The following CSMD1 variants were observed in gnomAD, a reference collection of about 807,000 sequenced individuals.
The protein encoded by CSMD1 is CUB and sushi domain-containing protein 1.
In CSMD1, 213 loss-of-function variants were observed where a neutral mutation model predicts 417.5. The ratio of observed to expected loss-of-function variants is 0.51; its 90% CI spans 0.46 to 0.57. CSMD1 has a LOEUF of 0.57. CSMD1 is among the 20% of genes least tolerant of loss of function. CSMD1 has a pLI of 0.00. For missense variants in CSMD1, 6,923 were observed against 4,529.7 expected (o/e 1.53, Z -15.17); for synonymous variants, 2,862 against 1,736.8 (o/e 1.65, Z -16.11).
chr8:3,810,672 C>G (rs1413494267), intron 5 of CSMD1, among the ~76,000 whole-genome samples: 1 of 152,126 alleles, frequency 6.6e-6, no homozygotes, highest in Non-Finnish European at 1.5e-5. Context: ...AGTAGCTTTT[C>G]TGGGATAGAA....
rs899307122 is a variant in CSMD1 at position 3,487,022 on chromosome 8, A to C, written c.1448+6601T>G. Among the ~76,000 whole-genome samples the C allele has an allele frequency of 2.6e-5, 4 of 152,182 alleles. No homozygotes were observed. In the East Asian group the frequency reaches 5.8e-4, roughly 22 times the overall value. ...GGAGTTGATCCTGAACCTCTCACACACAGAAGGTGACACAAAAGCACTTAC... is the reference window on the plus strand; with the variant it reads ...GGAGTTGATCCTGAACCTCTCACACCCAGAAGGTGACACAAAAGCACTTAC... On this transcript the variant is annotated intron_variant, in intron 11 of 69. Transcript: ENST00000635120.
At chr8:3,383,352 CGGAGGGAAG>C (rs1322701715) in intron 18 of CSMD1, among the ~76,000 whole-genome samples, 43 of 152,042 alleles carry the variant, frequency 2.8e-4, no homozygotes, top group Non-Finnish European at 5.4e-4. Context: ...TTACTCTGAA[CGGAGGGAAG>C]CCTTCTTCCA....
chr8:4,429,113 A>C (rs922400605), intron 2 of CSMD1, among the ~76,000 whole-genome samples: 1 of 151,750 alleles, frequency 6.6e-6, no homozygotes, highest in Non-Finnish European at 1.5e-5. Flanking sequence ...ACTACTGGTA[A>C]TCAGTTTTTT....
intron 3 of CSMD1, among the ~76,000 whole-genome samples, chr8:4,091,038 C>T (rs929401859): frequency 2.0e-5 from 3 of 151,784 alleles, no homozygotes; most frequent in African/African-American, 7.3e-5. Flanking sequence ...CCTGTCTCAG[C>T]CTCACAAGTA....
intron 2 of CSMD1, among the ~76,000 whole-genome samples, chr8:4,544,772 A>C (rs947140468): frequency 6.6e-6 from 1 of 152,194 alleles, no homozygotes; most frequent in Admixed American, 6.5e-5. Flanking sequence ...GAAGGGCAGC[A>C]CTGCTGTTCA....
intron 5 of CSMD1, among the ~76,000 whole-genome samples, chr8:3,824,678 A>G (rs565062211): frequency 6.6e-6 from 1 of 152,320 alleles, no homozygotes; most frequent in South Asian, 2.1e-4. Flanking sequence ...TTAATGATGT[A>G]TATTAATATT....
At chr8:3,350,655 G>C (rs1484193088) in intron 21 of CSMD1, among the ~76,000 whole-genome samples, 1 of 151,974 alleles carries the variant, frequency 6.6e-6, no homozygotes, top group Non-Finnish European at 1.5e-5. Flanking sequence ...TTCTAAATAG[G>C]TCACCGATTA....
At chr8:3,546,271 T>TAA (rs34556563) in intron 10 of CSMD1, among the ~76,000 whole-genome samples, 51 of 150,804 alleles carry the variant, frequency 3.4e-4, no homozygotes, top group African/African-American at 9.0e-4. Flanking sequence ...CCTCTATTAT[T>TAA]AAAAAAAAAA....
chr8:3,399,038 A>C (rs550985765), intron 16 of CSMD1, among the ~76,000 whole-genome samples: 48 of 152,198 alleles, frequency 3.2e-4, no homozygotes, highest in African/African-American at 1.1e-3. Flanking sequence ...CACAGAAGAC[A>C]CCTAAGGGAC....
At chr8:4,446,298 G>T (rs763526120) in intron 2 of CSMD1, among the ~76,000 whole-genome samples, 1 of 152,140 alleles carries the variant, frequency 6.6e-6, no homozygotes, top group Non-Finnish European at 1.5e-5. Flanking sequence ...CCGTAATCCT[G>T]CTTCTTTGGG....
intron 2 of CSMD1, among the ~76,000 whole-genome samples, chr8:4,580,082 T>C (rs1285386566): frequency 6.6e-6 from 1 of 152,214 alleles, no homozygotes; most frequent in Non-Finnish European, 1.5e-5. Context: ...TTTCTATATT[T>C]AAAGAGGGTG....
At chr8:3,572,392 G>A (rs1413091340) in intron 10 of CSMD1, among the ~76,000 whole-genome samples, 1 of 152,156 alleles carries the variant, frequency 6.6e-6, no homozygotes, top group Non-Finnish European at 1.5e-5. Flanking sequence ...GGGGCTTGGA[G>A]CAACCTCATC....
rs118040143 is a variant in CSMD1 at position 4,224,965 on chromosome 8, A to C, written c.416-192866T>G. The stretch of plus-strand genomic sequence containing the variant: ...ATCACTAATAAAATTAAAAAAAATT[A>C]GTTGGGCGTGGTGCCGTGCACCTGA... On this transcript the variant is annotated intron_variant, in intron 3 of 69. Transcript: ENST00000635120. Among the ~76,000 whole-genome samples the C allele has an allele frequency of 0.024, 3,714 of 152,196 alleles. 244 individuals carry two copies. The East Asian group carries it at 0.29, about 12-fold the overall frequency.
chr8:4,385,435 T>C (rs1584993571), intron 3 of CSMD1, among the ~76,000 whole-genome samples: 2 of 152,242 alleles, frequency 1.3e-5, no homozygotes, highest in South Asian at 4.1e-4. Flanking sequence ...TTTCACTTAG[T>C]ACATGTTTCT....
chr8:3,166,973 G>A (rs760124723), intron 37 of CSMD1, among the ~76,000 whole-genome samples: 1 of 152,200 alleles, frequency 6.6e-6, no homozygotes, highest in Non-Finnish European at 1.5e-5. Flanking sequence ...CATATGGGGT[G>A]AAGCAATGCT....
intron 8 of CSMD1, among the ~76,000 whole-genome samples, chr8:3,602,836 G>C (rs112268360): frequency 6.6e-6 from 1 of 151,744 alleles, no homozygotes; most frequent in East Asian, 1.9e-4. Context: ...TGACAAACTG[G>C]GCTTTTGTTG....
intron 4 of CSMD1, among the ~76,000 whole-genome samples, chr8:4,005,700 C>CA (rs1321201785): frequency 6.6e-6 from 1 of 152,186 alleles, no homozygotes; most frequent in East Asian, 1.9e-4. Context: ...GAAGAACTTT[C>CA]AAGACTCCCT....
chr8:4,313,469 G>T lies in CSMD1; in HGVS notation c.415+106484C>A, dbSNP rs976252276. Among the ~76,000 whole-genome samples, 4 of 140,544 alleles carry T rather than the reference G, an allele frequency of 2.8e-5. 1 individual carries two copies. Among genetic ancestry groups the T allele is most frequent in the Middle Eastern group, 3.9e-3 (1 of 258 alleles). The allele number at this position is 140,544 out of a possible 152,430, so 92.2% of individuals were successfully genotyped here. ...TCCTCTGAAAATGTTAGCAATGCAGGAACCCGAAGAGCTCCCAAAGGTCTT... is the reference window on the plus strand; with the variant it reads ...TCCTCTGAAAATGTTAGCAATGCAGTAACCCGAAGAGCTCCCAAAGGTCTT... On this transcript the variant is annotated intron_variant, in intron 3 of 69. Transcript: ENST00000635120.
At chr8:4,557,077 A>G (rs1262022387) in intron 2 of CSMD1, among the ~76,000 whole-genome samples, 1 of 152,204 alleles carries the variant, frequency 6.6e-6, no homozygotes, top group African/African-American at 2.4e-5. Context: ...GTCATGAAAC[A>G]TACTTTATAA....
Sources: allele counts gnomAD v4.1 joint callset (sites outside exome capture counted in the v4.1 genomes callset), GRCh38; gene constraint gnomAD v4.1.1; transcripts MANE v1.5; gene names NCBI Gene and HGNC (gene_info 2026-07-23, HGNC 2026-07-21).